Variants in RBM28 observed in about 807,000 individuals in gnomAD.
RBM28 encodes the protein RNA binding motif protein 28.
Under a neutral mutation model 98.3 loss-of-function variants are expected in RBM28, and 78 were observed. The ratio of observed to expected loss-of-function variants is 0.79; its 90% confidence interval spans 0.66 to 0.96. RBM28 has a LOEUF of 0.96. Among genes scored for constraint, RBM28 ranks in the 40% least tolerant of loss-of-function variants. The pLI is 0.00. For synonymous variants in RBM28, 306 were observed against 330.9 expected, an observed-to-expected ratio of 0.92 and a Z score of 0.82; for missense variants, 838 against 913.0, an observed-to-expected ratio of 0.92 and a Z score of 1.06.
In RBM28 at chr7:128,333,367, G is replaced by A; in HGVS notation, c.947-5C>T. 6.3e-7 allele frequency: 1 copy of A among 1,587,842 alleles called. No individual in the cohort carries two copies. Among genetic ancestry groups the A allele is most frequent in the Non-Finnish European group, 8.6e-7 (1 of 1,156,444 alleles). ...TTTTGTTTGAGACTTGCACAGCTAA[G>A]GTAAAAAGAAAAACAACAAACTGAA... On this transcript the variant is annotated splice_region_variant and splice_polypyrimidine_tract_variant and intron_variant, in intron 8 of 18. Coordinates refer to ENST00000223073, the MANE Select transcript of RBM28 (RefSeq NM_018077.3).
chr7:128,324,829 C>T, intron 11 of RBM28, 135 bp from the exon 12 acceptor site: 1 of 1,186,046 alleles, frequency 8.4e-7, no homozygotes, highest in Non-Finnish European at 1.2e-6. Flanking sequence ...GCCTGGCCAA[C>T]ATGGTGAAAC....
chr7:128,330,253 G>A (rs1223226345), intron 10 of RBM28, among the ~76,000 whole-genome samples: 1 of 151,578 alleles, frequency 6.6e-6, no homozygotes, highest in African/African-American at 2.4e-5. Context: ...AGCAAAAATG[G>A]AATTCATTAC....
intron 1 of RBM28, among the ~76,000 whole-genome samples, chr7:128,342,457 G>A (rs1302948268): frequency 2.6e-5 from 4 of 152,082 alleles, no homozygotes; most frequent in African/African-American, 4.8e-5. Flanking sequence ...TGAGGCGGGC[G>A]GATCACCTGA....
Position 128,337,159 on chromosome 7 carries a change from A to G in RBM28, c.585T>C (p.Tyr195=), listed in dbSNP as rs1421880440. Residue 195 remains tyrosine, a synonymous_variant, in exon 6 of 19, where the codon TAT becomes TAC. Coordinates refer to ENST00000223073, the MANE Select transcript of RBM28 (RefSeq NM_018077.3). Reference sequence around the variant, plus strand: ...TAGCAGAAACAGACTGTGTATCTTTATATTTATCCTTTGCCACGGCCCAAT... The same window carrying G: ...TAGCAGAAACAGACTGTGTATCTTTGTATTTATCCTTTGCCACGGCCCAAT... The part of the protein sequence containing the change: ...AVDWAVAKDK[Y]KDTQSVSAIG... 2 of 1,614,028 alleles carry G rather than the reference A, an allele frequency of 1.2e-6. No homozygotes were observed. The highest frequency in any genetic ancestry group is 2.2e-5 in the East Asian group (1 of 44,894).
intron 11 of RBM28, among the ~76,000 whole-genome samples, chr7:128,325,600 T>C (rs1796332504): frequency 6.6e-6 from 1 of 152,174 alleles, no homozygotes; most frequent in South Asian, 2.1e-4. Context: ...TCCTCACCTA[T>C]GAAGTAGAGA....
chr7:128,314,881 C>T lies in RBM28; in HGVS notation c.1928G>A (p.Gly643Asp), dbSNP rs1584635765. ...KVPPEQKRKA[G>D]STSWTGFQTK... ...CTGGAACCCGGTCCATGAGGTAGAG[C>T]CCGCCTTTCTCTTCTGCTCTGGGGG... The change falls in exon 17 of 19, where the codon GGC becomes GAC. Residue 643 changes from glycine (G) to aspartate (D), a missense_variant. Coordinates refer to ENST00000223073, the MANE Select transcript of RBM28 (RefSeq NM_018077.3). The T allele has an allele frequency of 2.5e-6, 4 of 1,614,146 alleles. No homozygotes were observed. The highest frequency in any genetic ancestry group is 1.1e-5 in the South Asian group (1 of 91,082).
chr7:128,300,659 T>C lies in RBM28; in HGVS notation c.*10138A>G, dbSNP rs765535573. On this transcript the variant is annotated 3_prime_UTR_variant, in exon 19 of 19. Coordinates refer to ENST00000223073, the MANE Select transcript of RBM28 (RefSeq NM_018077.3). The stretch of plus-strand genomic sequence containing the variant: ...CTGTTATCAATACTGTGCTATGTTT[T>C]AGTAAAGAGGGCTGTTCCCTGAGAG... The C allele has an allele frequency of 1.3e-5, 2 of 152,256 alleles. No homozygotes were observed. Among genetic ancestry groups the C allele is most frequent in the Non-Finnish European group, 2.9e-5 (2 of 68,056 alleles). 9.4% of individuals were successfully genotyped at this position (152,256 alleles called of 1,614,324 possible).
chr7:128,316,919 G>A (rs1338962288), intron 16 of RBM28, among the ~76,000 whole-genome samples: 1 of 152,180 alleles, frequency 6.6e-6, no homozygotes, highest in East Asian at 1.9e-4. Context: ...GACTACAAAT[G>A]TTTGCTGTAT....
intron 1 of RBM28, 46 bp downstream of exon 1, chr7:128,343,630 C>T (rs780916429): frequency 2.8e-6 from 4 of 1,432,366 alleles, no homozygotes; most frequent in Middle Eastern, 1.8e-4. Flanking sequence ...AAGGTGCCCT[C>T]GATCGCAGGA....
At position 128,338,294 on chromosome 7, in the gene RBM28, T is replaced by A; in HGVS notation, c.497A>T (p.Glu166Val). The part of the protein sequence containing the change: ...FGFVQFKNLL[E>V]AGKALKGMNM... ...CATGCCTTTGAGAGCTTTACCTGCT[T>A]CTAGGAGGTTTTTGAACTGAACAAA... is the stretch of plus-strand genomic sequence containing the variant. The change falls in exon 5 of 19, where the codon GAA becomes GTA. Residue 166 changes from glutamate (E) to valine (V), a missense_variant. Coordinates refer to ENST00000223073, the MANE Select transcript of RBM28 (RefSeq NM_018077.3). 6.2e-7 allele frequency: 1 copy of A among 1,614,174 alleles called. No individual in the cohort carries two copies. The highest frequency in any genetic ancestry group is 8.5e-7 in the Non-Finnish European group (1 of 1,180,012).
chr7:128,302,805 C>A lies in RBM28; in HGVS notation c.*7992G>T, dbSNP rs1393311957. On this transcript the variant is annotated 3_prime_UTR_variant, in exon 19 of 19. Coordinates refer to ENST00000223073, the MANE Select transcript of RBM28 (RefSeq NM_018077.3). ...TATTATTTTTTTAGACAGGGTATCA[C>A]GCTGTTGCCCAGGTTGGAGTACAGT... 1.3e-5 allele frequency: 2 copies of A among 152,168 alleles called. No individual in the cohort carries two copies. Among genetic ancestry groups the A allele is most frequent in the African/African-American group, 2.4e-5 (1 of 41,426 alleles). The allele number at this position is 152,168 out of a possible 1,614,324, so 9.4% of individuals were successfully genotyped here.
At chr7:128,339,552 C>A in intron 2 of RBM28, 81 bp downstream of exon 2, 1 of 1,504,138 alleles carries the variant, frequency 6.6e-7, no homozygotes, top group East Asian at 2.3e-5. Context: ...CTAGAAGCTA[C>A]CTCCATGCCT....
At chr7:128,311,962 C>A (rs1020449116) in intron 18 of RBM28, among the ~76,000 whole-genome samples, 1 of 152,194 alleles carries the variant, frequency 6.6e-6, no homozygotes, top group African/African-American at 2.4e-5. Flanking sequence ...AAGGCCATTA[C>A]ATGAAAGGCT....
At chr7:128,342,621 C>T (rs1164539812) in intron 1 of RBM28, among the ~76,000 whole-genome samples, 1 of 152,058 alleles carries the variant, frequency 6.6e-6, no homozygotes, top group East Asian at 1.9e-4. Flanking sequence ...GCAGAGGTTG[C>T]AGTGAGCGGA....
At chr7:128,336,993 C>T in intron 6 of RBM28, 138 bp downstream of exon 6, 3 of 910,230 alleles carry the variant, frequency 3.3e-6, no homozygotes, top group Non-Finnish European at 5.4e-6. Context: ...AGCAATCCAC[C>T]CAAAGTGCTG....
At chr7:128,324,188 G>A (rs568918776) in intron 12 of RBM28, among the ~76,000 whole-genome samples, 6 of 152,234 alleles carry the variant, frequency 3.9e-5, no homozygotes, top group African/African-American at 1.4e-4. Context: ...GGAAAGTATT[G>A]GGTGCACATT....
At chr7:128,341,029 C>T in intron 1 of RBM28, 1 of 678,526 alleles carries the variant, frequency 1.5e-6, no homozygotes. Flanking sequence ...CCACCTTTGC[C>T]CTTTTTGGTT....
At chr7:128,338,150 A>T in intron 5 of RBM28, 100 bp downstream of exon 5, 1 of 861,614 alleles carries the variant, frequency 1.2e-6, no homozygotes, top group Non-Finnish European at 2.0e-6. Flanking sequence ...GACTCTTAAT[A>T]ATGCAAACAT....
chr7:128,325,569 AG>A (rs1796331768), intron 11 of RBM28, among the ~76,000 whole-genome samples: 1 of 152,058 alleles, frequency 6.6e-6, no homozygotes. Context: ...AACAAATATC[AG>A]ATACGTTATT....
Sources: gnomAD v4.1 joint callset for allele counts (sites outside exome capture counted in the v4.1 genomes callset) on GRCh38, gnomAD v4.1.1 for gene constraint, MANE v1.5 for transcripts, NCBI Gene and HGNC (gene_info 2026-07-23, HGNC 2026-07-21) for gene names.